Variants in ABLIM1 observed in about 807,000 individuals in gnomAD.
ABLIM1 encodes the protein actin binding LIM protein 1.
ABLIM1 carries 40 observed loss-of-function variants against 107.0 expected under a neutral mutation model. The observed-to-expected ratio is 0.37, with a 90% CI of 0.29 to 0.49. The LOEUF is 0.49. Among genes scored for constraint, ABLIM1 ranks in the 20% least tolerant of loss-of-function variants. ABLIM1 has a pLI of 0.97. For missense variants in ABLIM1, 857 were observed against 1,008.5 expected (o/e 0.85, Z 2.04); for synonymous variants, 357 against 357.3 (o/e 1.00, Z 0.01).
At chr10:114,466,828 C>T (rs1054849002) in intron 11 of ABLIM1, among the ~76,000 whole-genome samples, 3 of 152,034 alleles carry the variant, frequency 2.0e-5, no homozygotes, top group African/African-American at 4.8e-5. Flanking sequence ...CAAAAATTTG[C>T]GTTACATGTT....
At chr10:114,640,333 C>T (rs994840511) in intron 1 of ABLIM1, among the ~76,000 whole-genome samples, 4 of 152,182 alleles carry the variant, frequency 2.6e-5, no homozygotes, top group Non-Finnish European at 4.4e-5. Context: ...TCGAGACCAG[C>T]CTGGCCAACA....
intron 1 of ABLIM1, among the ~76,000 whole-genome samples, chr10:114,677,141 T>C (rs1250491363): frequency 6.6e-6 from 1 of 152,186 alleles, no homozygotes; most frequent in African/African-American, 2.4e-5. Context: ...TCCACTTGTT[T>C]GCCACTGCTG....
At chr10:114,718,124 A>G (rs1472590296) in intron 1 of ABLIM1, among the ~76,000 whole-genome samples, 3 of 125,458 alleles carry the variant, frequency 2.4e-5, no homozygotes, top group African/African-American at 7.8e-5. Context: ...AGAAAGAAAA[A>G]GAAAGAAAAG....
chr10:114,747,306 G>C (rs1200123170), intron 1 of ABLIM1, among the ~76,000 whole-genome samples: 2 of 152,328 alleles, frequency 1.3e-5, no homozygotes, highest in African/African-American at 4.8e-5. Flanking sequence ...TCTGGAGGCA[G>C]CTCCACAGAC....
intron 6 of ABLIM1, among the ~76,000 whole-genome samples, chr10:114,518,700 G>A (rs1232373827): frequency 2.0e-5 from 3 of 151,700 alleles, no homozygotes; most frequent in Non-Finnish European, 4.4e-5. Flanking sequence ...GACAGAGACA[G>A]CATAGTCCAC....
intron 8 of ABLIM1, among the ~76,000 whole-genome samples, chr10:114,483,215 G>T (rs918613560): frequency 6.6e-6 from 1 of 152,194 alleles, no homozygotes; most frequent in African/African-American, 2.4e-5. Context: ...GAAGTGTGCA[G>T]TTGGCTTGCT....
chr10:114,790,861 A>G, the ABLIM1 span, among the ~76,000 whole-genome samples: 1 of 152,198 alleles, frequency 6.6e-6, no homozygotes, highest in Non-Finnish European at 1.5e-5. Context: ...GTTGCCTTGG[A>G]AGACTCAAGG....
chr10:114,704,292 CTCTCTCTCTCTATA>C (rs2081366143), intron 1 of ABLIM1, among the ~76,000 whole-genome samples: 6 of 28,230 alleles, frequency 2.1e-4, no homozygotes, highest in African/African-American at 5.1e-4. Flanking sequence ...CTCTCTCTCT[CTCTCTCTCTCTATA>C]TATATATATA....
intron 1 of ABLIM1, among the ~76,000 whole-genome samples, chr10:114,697,467 CG>C (rs2081220447): frequency 6.6e-6 from 1 of 152,242 alleles, no homozygotes. Flanking sequence ...AGCCAGCCTC[CG>C]GGCCAGCCCA....
At chr10:114,574,694 G>A (rs543226448) in intron 3 of ABLIM1, among the ~76,000 whole-genome samples, 15 of 152,128 alleles carry the variant, frequency 9.9e-5, no homozygotes, top group Middle Eastern at 3.4e-3. Context: ...TACCTGCCTC[G>A]GCCTCCCAAA....
intron 1 of ABLIM1, among the ~76,000 whole-genome samples, chr10:114,692,639 C>CT (rs1232664538): frequency 6.6e-6 from 1 of 152,092 alleles, no homozygotes; most frequent in East Asian, 1.9e-4. Context: ...TGGCTGTAAT[C>CT]CCAGCACTTT....
At chr10:114,482,551 GA>G (rs1322005545) in intron 8 of ABLIM1, among the ~76,000 whole-genome samples, 1 of 152,180 alleles carries the variant, frequency 6.6e-6, no homozygotes, top group African/African-American at 2.4e-5. Flanking sequence ...GAGTTTTCTG[GA>G]ATCTTAAAGG....
At chr10:114,766,733 T>C (rs1047442793) in intron 1 of ABLIM1, among the ~76,000 whole-genome samples, 5 of 152,212 alleles carry the variant, frequency 3.3e-5, no homozygotes, top group African/African-American at 1.2e-4. Flanking sequence ...TTCCTTGTGG[T>C]ACTTAGGACA....
chr10:114,644,660 G>A (rs1036303549), intron 1 of ABLIM1, among the ~76,000 whole-genome samples: 1 of 152,038 alleles, frequency 6.6e-6, no homozygotes, highest in African/African-American at 2.4e-5. Flanking sequence ...ACATCAGCTG[G>A]CCAACAGCTT....
At chr10:114,463,081 G>C in intron 12 of ABLIM1, 1 of 1,341,310 alleles carries the variant, frequency 7.5e-7, no homozygotes, top group Non-Finnish European at 9.9e-7. Context: ...CGGAAAGGGG[G>C]GTTGGGGCGG....
chr10:114,594,592 A>C (rs1294956776), intron 2 of ABLIM1, among the ~76,000 whole-genome samples: 1 of 152,116 alleles, frequency 6.6e-6, no homozygotes, highest in Non-Finnish European at 1.5e-5. Flanking sequence ...TCTACTAAAA[A>C]TACAAAAATT....
intron 8 of ABLIM1, among the ~76,000 whole-genome samples, chr10:114,482,978 T>C (rs2057608432): frequency 6.6e-6 from 1 of 152,196 alleles, no homozygotes; most frequent in South Asian, 2.1e-4. Context: ...AAAAAGTGGC[T>C]TCTTGCCAAG....
At chr10:114,761,267 A>C (rs80330493) in intron 1 of ABLIM1, among the ~76,000 whole-genome samples, 1 of 16,734 alleles carries the variant, frequency 6.0e-5, no homozygotes, top group African/African-American at 1.4e-4. Context: ...AGAAATCGGC[A>C]AAAAAAAAAA....
At chr10:114,611,645 G>C (rs1288114039) in intron 1 of ABLIM1, among the ~76,000 whole-genome samples, 1 of 152,142 alleles carries the variant, frequency 6.6e-6, no homozygotes, top group African/African-American at 2.4e-5. Flanking sequence ...ATTCCCCCAA[G>C]GCAAAGAGGT....
Sources: gnomAD v4.1 joint callset for allele counts (sites outside exome capture counted in the v4.1 genomes callset) on GRCh38, gnomAD v4.1.1 for gene constraint, MANE v1.5 for transcripts, NCBI Gene and HGNC (gene_info 2026-07-23, HGNC 2026-07-21) for gene names.